DNAH12: variants seen among roughly 807,000 people sequenced by gnomAD.
DNAH12 encodes the protein axonemal beta dynein heavy chain 12.
A neutral mutation model predicts 371.5 loss-of-function variants in DNAH12; 285 were observed. The observed-to-expected ratio is 0.77, with a 90% confidence interval of 0.70 to 0.85. DNAH12 has a LOEUF of 0.85. Ranked by LOEUF, DNAH12 falls within the 40% of genes least tolerant of loss-of-function variation. The probability of loss-of-function intolerance (pLI) is 0.00; values close to 1 mark genes in which losing one functional copy is unlikely to be tolerated. For synonymous variants in DNAH12, 1,200 were observed against 1,213.0 expected, an observed-to-expected ratio of 0.99 and a Z score of 0.22; for missense variants, 3,611 against 3,689.4, an observed-to-expected ratio of 0.98 and a Z score of 0.55.
intron 58 of DNAH12, among the ~76,000 whole-genome samples, chr3:57,360,460 A>C (rs1449402439): frequency 6.6e-6 from 1 of 152,080 alleles, no homozygotes; most frequent in African/African-American, 2.4e-5. Context: ...AGGCCAAGGC[A>C]GGCGGATCAC....
chr3:57,508,012 C>A (rs538080582), intron 7 of DNAH12, among the ~76,000 whole-genome samples, 174 bp from the exon 8 acceptor site: 97 of 151,920 alleles, frequency 6.4e-4, no homozygotes, highest in Non-Finnish European at 1.1e-3. Flanking sequence ...CATGGTAAAA[C>A]CCCATCTCTA....
intron 62 of DNAH12, among the ~76,000 whole-genome samples, chr3:57,328,231 T>C (rs1278870053): frequency 3.4e-4 from 52 of 151,838 alleles, no homozygotes; most frequent in African/African-American, 1.3e-3. Context: ...ATCATCCTGA[T>C]ACCAAAGCCT....
chr3:57,540,329 G>A (rs957819078), intron 2 of DNAH12, among the ~76,000 whole-genome samples: 1 of 152,172 alleles, frequency 6.6e-6, no homozygotes, highest in Non-Finnish European at 1.5e-5. Context: ...GGGATTACAG[G>A]TGTAAGCCAC....
At chr3:57,548,669 G>A (rs146774821), upstream of DNAH12, among the ~76,000 whole-genome samples, 3,423 of 152,146 alleles carry the variant, frequency 0.022, 71 homozygotes, top group Non-Finnish European at 0.029. Context: ...CTGCACCACT[G>A]CACTCCAGCC....
rs751671358 is a variant in DNAH12 at position 57,523,585 on chromosome 3, C to CT, written c.276dup (p.Gly93ArgfsTer14). On this transcript the variant is annotated frameshift_variant, in exon 4 of 74. Transcript: ENST00000495027. LOFTEE classifies it high-confidence loss of function. ...GAAATATAAAAACTTGAACTCACTC[C>CT]TTTTTTTTTCATTTCACTGGTCATC... The CT allele has an allele frequency of 4.5e-4, 691 of 1,549,890 alleles. No homozygotes were observed. Among genetic ancestry groups the CT allele is most frequent in the South Asian group, 1.2e-3 (94 of 80,828 alleles).
At chr3:57,520,014 A>G (rs1372709006) in intron 4 of DNAH12, 2 of 761,936 alleles carry the variant, frequency 2.6e-6, no homozygotes, top group Non-Finnish European at 4.5e-6. Flanking sequence ...CGGCCATGGT[A>G]GCGCCGCGGA....
chr3:57,451,404 G>A (rs1338027999), intron 25 of DNAH12, among the ~76,000 whole-genome samples: 1 of 152,212 alleles, frequency 6.6e-6, no homozygotes, highest in Admixed American at 6.5e-5. Context: ...GCTGAGGCAG[G>A]CAGATGGCTT....
At chr3:57,491,386 C>G (rs2067120383) in intron 11 of DNAH12, among the ~76,000 whole-genome samples, 1 of 152,034 alleles carries the variant, frequency 6.6e-6, no homozygotes, top group African/African-American at 2.4e-5. Flanking sequence ...GCAAAGTTCT[C>G]TTTCTTAAGC....
In DNAH12 at chr3:57,510,951, A is replaced by G; in HGVS notation, c.308T>C (p.Val103Ala). ...GFNYIYMKQC[V>A]ESSPLVPIQQ... Reference sequence around the variant, plus strand: ...AATAGGTACTAAAGGACTACTTTCTACACATTGCTTCATATAAATATAGTT... The same window carrying G: ...AATAGGTACTAAAGGACTACTTTCTGCACATTGCTTCATATAAATATAGTT... The change falls in exon 5 of 74, where the codon GTA becomes GCA. Residue 103 changes from valine (V) to alanine (A), a missense_variant. Transcript: ENST00000495027. 2 of 1,605,884 alleles carry G rather than the reference A, an allele frequency of 1.2e-6. No individual in the cohort carries two copies. Among genetic ancestry groups the G allele is most frequent in the Non-Finnish European group, 8.5e-7 (1 of 1,178,462 alleles).
rs2063201349 is a variant in DNAH12 at position 57,372,739 on chromosome 3, T to G, written c.8759+2632A>C. Among the ~76,000 whole-genome samples the G allele has an allele frequency of 2.0e-5, 3 of 149,758 alleles. No individual in the cohort carries two copies. The South Asian group carries it at 6.3e-4, about 31-fold the overall frequency. On this transcript the variant is annotated intron_variant, in intron 55 of 73. Coordinates refer to ENST00000495027, the MANE Select transcript of DNAH12 (RefSeq NM_001366028.2). ...AAGCCAATGTGGACATAAAATGGAATCATAAAAAACAAATTCAGTTAATCC... is the reference window on the plus strand; with the variant it reads ...AAGCCAATGTGGACATAAAATGGAAGCATAAAAAACAAATTCAGTTAATCC...
At chr3:57,352,736 G>C (rs1298033318) in intron 59 of DNAH12, among the ~76,000 whole-genome samples, 1 of 152,006 alleles carries the variant, frequency 6.6e-6, no homozygotes, top group Non-Finnish European at 1.5e-5. Flanking sequence ...AAAGCATTAT[G>C]AAACATTTGC....
chr3:57,455,476 A>C (rs1203881633), intron 22 of DNAH12, among the ~76,000 whole-genome samples: 1 of 152,072 alleles, frequency 6.6e-6, no homozygotes, highest in Non-Finnish European at 1.5e-5. Flanking sequence ...AGGCTGAGGC[A>C]GGAGAATTGC....
chr3:57,485,080 G>C (rs1470382804), intron 12 of DNAH12, among the ~76,000 whole-genome samples: 1 of 152,186 alleles, frequency 6.6e-6, no homozygotes, highest in African/African-American at 2.4e-5. Context: ...TAAACTGCTT[G>C]TGAGAATGTA....
intron 13 of DNAH12, among the ~76,000 whole-genome samples, chr3:57,475,641 G>C (rs1018817833): frequency 6.6e-6 from 1 of 152,112 alleles, no homozygotes; most frequent in Non-Finnish European, 1.5e-5. Flanking sequence ...CAAAATGTAT[G>C]TACTATCATT....
Position 57,310,734 on chromosome 3 carries a change from A to G in DNAH12, c.10879T>C (p.Tyr3627His), listed in dbSNP as rs540778234. 1.9e-6 allele frequency: 3 copies of G among 1,550,190 alleles called. No homozygotes were observed. In the South Asian group the frequency reaches 3.6e-5, roughly 18 times the overall value. ...FAPPKGTYED[Y>H]IEFIKKLPFT... ...ATCATTACCTTAATGAATTCAATGTAGTCCTCATAAGTGCCTTTAGGAGGT... is the reference window on the plus strand; with the variant it reads ...ATCATTACCTTAATGAATTCAATGTGGTCCTCATAAGTGCCTTTAGGAGGT... The change falls in exon 67 of 74, where the codon TAC becomes CAC. Residue 3627 changes from tyrosine (Y) to histidine (H), a missense_variant. Coordinates refer to ENST00000495027, the MANE Select transcript of DNAH12 (RefSeq NM_001366028.2).
chr3:57,351,946 G>C (rs1160994462), intron 60 of DNAH12, 139 bp downstream of exon 60: 21 of 843,242 alleles, frequency 2.5e-5, no homozygotes, highest in Non-Finnish European at 3.6e-5. Flanking sequence ...AGAAGCCATT[G>C]TTATCAGTGA....
chr3:57,395,823 T>C (rs2063724874), intron 43 of DNAH12, among the ~76,000 whole-genome samples: 1 of 151,702 alleles, frequency 6.6e-6, no homozygotes, highest in Non-Finnish European at 1.5e-5. Context: ...TGGTGGTACA[T>C]GTCTGTAGTC....
intron 69 of DNAH12, among the ~76,000 whole-genome samples, chr3:57,308,487 A>G (rs2061517451): frequency 6.6e-6 from 1 of 152,196 alleles, no homozygotes; most frequent in African/African-American, 2.4e-5. Context: ...GCTCCTGTAT[A>G]GACACTCCTT....
intron 13 of DNAH12, among the ~76,000 whole-genome samples, chr3:57,475,608 C>T (rs2066499345): frequency 6.6e-6 from 1 of 152,062 alleles, no homozygotes. Context: ...GGAAAAGGTA[C>T]ATAACCCAAA....
Sources: allele counts gnomAD v4.1 joint callset (sites outside exome capture counted in the v4.1 genomes callset), GRCh38; gene constraint gnomAD v4.1.1; transcripts MANE v1.5; gene names NCBI Gene and HGNC (gene_info 2026-07-23, HGNC 2026-07-21).